MEF2A: variants seen among roughly 807,000 people sequenced by gnomAD.
MEF2A encodes the protein myocyte enhancer factor 2A, also known as myocyte-specific enhancer factor 2A.
MEF2A carries 28 observed loss-of-function variants against 55.8 expected under a neutral mutation model. The observed-to-expected ratio is 0.50, with a 90% confidence interval of 0.37 to 0.69. The LOEUF (loss-of-function observed/expected upper bound fraction) is 0.69, where lower values mean the gene tolerates loss of function less well. Among genes scored for constraint, MEF2A ranks in the 30% least tolerant of loss-of-function variants. The pLI is 0.00. For synonymous variants in MEF2A, 239 were observed against 227.1 expected (o/e 1.05, Z -0.47); for missense variants, 528 against 626.2 (o/e 0.84, Z 1.67).
chr15:99,712,772 G>C lies in MEF2A; in HGVS notation c.*1G>C, dbSNP rs1438725772. ...GAGGATGGACGCGTGGGTGACCTAAGGCTTCCAAGCTGATGTTTGTACTTT... is the reference window on the plus strand; with the variant it reads ...GAGGATGGACGCGTGGGTGACCTAACGCTTCCAAGCTGATGTTTGTACTTT... On this transcript the variant is annotated 3_prime_UTR_variant, in exon 12 of 12. Coordinates refer to ENST00000557942, the MANE Select transcript of MEF2A (RefSeq NM_001319206.4). This position sits in a 1 kb window ranked among gnomAD's most constrained non-coding sequence, Gnocchi z 4.1. The C allele has an allele frequency of 1.9e-6, 3 of 1,553,694 alleles. No homozygotes were observed. Among genetic ancestry groups the C allele is most frequent in the Admixed American group, 2.0e-5 (1 of 51,244 alleles).
intron 7 of MEF2A, among the ~76,000 whole-genome samples, chr15:99,676,538 C>T (rs1447055542): frequency 6.6e-6 from 1 of 151,474 alleles, no homozygotes; most frequent in Non-Finnish European, 1.5e-5. Context: ...AACAGTTCTT[C>T]TCAGTAGTGA....
chr15:99,636,778 T>G, intron 3 of MEF2A, among the ~76,000 whole-genome samples: 1 of 152,022 alleles, frequency 6.6e-6, no homozygotes, highest in Non-Finnish European at 1.5e-5. Context: ...AAAGATATTC[T>G]TCTATGCTTT....
intron 2 of MEF2A, among the ~76,000 whole-genome samples, chr15:99,629,465 G>T (rs1410961901): frequency 6.6e-6 from 1 of 152,136 alleles, no homozygotes; most frequent in Non-Finnish European, 1.5e-5. Context: ...ACTAATCCCG[G>T]TTGGCTAAAC....
At chr15:99,677,123 AAAATAAATAAAT>A (rs549883041) in intron 7 of MEF2A, among the ~76,000 whole-genome samples, 1 of 151,522 alleles carries the variant, frequency 6.6e-6, no homozygotes, top group Admixed American at 6.6e-5. Context: ...CGCTGTCTCA[AAAATAAATAAAT>A]AAATAAATAA....
chr15:99,671,101 A>G lies in MEF2A; in HGVS notation c.259-222A>G, dbSNP rs138279900. Among the ~76,000 whole-genome samples, 18 of 152,376 alleles carry G rather than the reference A, an allele frequency of 1.2e-4. No individual in the cohort carries two copies. In the East Asian group the frequency reaches 2.9e-3, roughly 24 times the overall value. ...AAGTTTAGAAAGGAAGAATCCAAAC[A>G]AATATTCCTTTTCTCTTAACATACA... is the stretch of plus-strand genomic sequence containing the variant. On this transcript the variant is annotated intron_variant, in intron 4 of 11. Transcript: ENST00000557942.
At chr15:99,570,378 A>C (rs1409668203) in intron 1 of MEF2A, among the ~76,000 whole-genome samples, 1 of 152,236 alleles carries the variant, frequency 6.6e-6, no homozygotes, top group African/African-American at 2.4e-5. Flanking sequence ...AATAAACAAG[A>C]AAACATGAAA....
rs184154059 is a variant in MEF2A, at chr15:99,696,581, G to C, written c.858+6153G>C. On this transcript the variant is annotated intron_variant, in intron 8 of 11. Transcript: ENST00000557942. Reference sequence around the variant, plus strand: ...AATGGAAATACAGCATCAAAATTTTGAGGCCCAACTAGAGTAGTGATGAGG... The same window carrying C: ...AATGGAAATACAGCATCAAAATTTTCAGGCCCAACTAGAGTAGTGATGAGG... Among the ~76,000 whole-genome samples, 4 of 152,044 alleles carry C rather than the reference G, an allele frequency of 2.6e-5. No homozygotes were observed. In the East Asian group the frequency reaches 7.7e-4, roughly 29 times the overall value.
Position 99,683,336 on chromosome 15 carries a change from G to A in MEF2A, c.671-6905G>A, listed in dbSNP as rs370335216. ...AAACTGAGTGGGTCACTTGGTAAAC[G>A]TTTTGGAGGAAACAAGAGGAATTGG... On this transcript the variant is annotated intron_variant, in intron 7 of 11. Transcript: ENST00000557942. Among the ~76,000 whole-genome samples, 45 of 152,294 alleles carry A rather than the reference G, an allele frequency of 3.0e-4. No individual in the cohort carries two copies. In the East Asian group the frequency reaches 3.3e-3, roughly 11 times the overall value.
chr15:99,655,055 CAGT>C (rs1049983585), intron 4 of MEF2A, among the ~76,000 whole-genome samples: 42 of 152,192 alleles, frequency 2.8e-4, no homozygotes, highest in African/African-American at 9.9e-4. Flanking sequence ...ACACTAAACA[CAGT>C]GGTAGAGAAA....
In MEF2A at chr15:99,712,421, T is replaced by A; in HGVS notation, c.1168T>A (p.Leu390Ile). Residue 390 changes from leucine to isoleucine, a missense_variant, in exon 12 of 12, where the codon TTA becomes ATA. Around this residue, in one of 2 missense-constraint regions of MEF2A, gnomAD observed 450 missense variants for 475.3 expected, o/e 0.95. Coordinates refer to ENST00000557942, the MANE Select transcript of MEF2A (RefSeq NM_001319206.4). This position sits in a 1 kb window ranked among gnomAD's most constrained non-coding sequence, Gnocchi z 4.1. ...AGGQLSQGSN[L>I]SINTNQNISI... ...AGGGCAGTTATCTCAGGGTTCCAATTTATCCATTAATACCAACCAAAACAT... is the reference window on the plus strand; with the variant it reads ...AGGGCAGTTATCTCAGGGTTCCAATATATCCATTAATACCAACCAAAACAT... The A allele has an allele frequency of 6.5e-7, 1 of 1,542,098 alleles. No homozygotes were observed. Among genetic ancestry groups the A allele is most frequent in the Non-Finnish European group, 8.8e-7 (1 of 1,138,980 alleles).
chr15:99,585,284 A>G (rs866137305), intron 1 of MEF2A, among the ~76,000 whole-genome samples: 2 of 152,084 alleles, frequency 1.3e-5, no homozygotes, highest in African/African-American at 4.8e-5. Context: ...GTTCATCCCT[A>G]TTCAAGTTTG....
At chr15:99,627,354 A>C (rs2042201576) in intron 2 of MEF2A, among the ~76,000 whole-genome samples, 1 of 134,516 alleles carries the variant, frequency 7.4e-6, no homozygotes, top group African/African-American at 2.8e-5. Flanking sequence ...CAGGAGGTAG[A>C]GGTTTCAGTG....
chr15:99,587,013 C>G (rs1164575311), intron 1 of MEF2A, among the ~76,000 whole-genome samples: 3 of 151,698 alleles, frequency 2.0e-5, no homozygotes, highest in Non-Finnish European at 4.4e-5. Flanking sequence ...CAAGAGCACA[C>G]TGTATTAAAT....
chr15:99,687,800 A>G (rs1224498120), intron 7 of MEF2A, among the ~76,000 whole-genome samples: 2 of 152,244 alleles, frequency 1.3e-5, no homozygotes, highest in Non-Finnish European at 2.9e-5. Flanking sequence ...CTTGCTAACT[A>G]GATGAAAAGC....
intron 4 of MEF2A, among the ~76,000 whole-genome samples, chr15:99,670,675 A>G (rs574666177): frequency 1.3e-5 from 2 of 152,362 alleles, no homozygotes; most frequent in East Asian, 1.9e-4. Flanking sequence ...AAATCAAACC[A>G]TGAAATACAC....
chr15:99,592,563 T>C (rs560145082), intron 1 of MEF2A, among the ~76,000 whole-genome samples: 16 of 152,338 alleles, frequency 1.1e-4, no homozygotes, highest in East Asian at 1.9e-4. Context: ...TTTTGACTCA[T>C]AGTTCTGCAG....
chr15:99,694,832 A>T (rs913907095), intron 8 of MEF2A, among the ~76,000 whole-genome samples: 1 of 152,010 alleles, frequency 6.6e-6, no homozygotes, highest in Non-Finnish European at 1.5e-5. Flanking sequence ...TCAACCATTT[A>T]TTTCTATCAA....
chr15:99,580,498 A>G (rs777365624), intron 1 of MEF2A, among the ~76,000 whole-genome samples: 52 of 152,210 alleles, frequency 3.4e-4, no homozygotes, highest in Admixed American at 1.8e-3. Context: ...TCCACTGGTA[A>G]GCTAGAGTCT....
intron 3 of MEF2A, among the ~76,000 whole-genome samples, chr15:99,642,974 AG>A (rs2045298594): frequency 6.6e-6 from 1 of 152,232 alleles, no homozygotes; most frequent in Non-Finnish European, 1.5e-5. Context: ...AGGAGTAGAG[AG>A]GAGTAAACAT....
Sources: allele counts gnomAD v4.1 joint callset (sites outside exome capture counted in the v4.1 genomes callset), GRCh38; gene constraint gnomAD v4.1.1; regional missense constraint gnomAD v4.1.1; non-coding constraint Gnocchi (gnomAD v3.1); transcripts MANE v1.5; gene names NCBI Gene and HGNC (gene_info 2026-07-23, HGNC 2026-07-21).